The following FGD4 variants were observed in gnomAD, a reference collection of about 807,000 sequenced individuals.
FGD4 encodes the protein FYVE, RhoGEF and PH domain-containing protein 4.
In FGD4, 42 loss-of-function variants were observed where a neutral mutation model predicts 102.0. The ratio of observed to expected loss-of-function variants is 0.41; its 90% confidence interval spans 0.32 to 0.53. The LOEUF (loss-of-function observed/expected upper bound fraction) is 0.53. Among genes scored for constraint, FGD4 ranks in the 20% least tolerant of loss-of-function variants. FGD4 has a pLI of 0.21. For synonymous variants in FGD4, 380 were observed against 375.7 expected, an observed-to-expected ratio of 1.01 and a Z score of -0.13; for missense variants, 902 against 1,078.2, an observed-to-expected ratio of 0.84 and a Z score of 2.29.
intron 1 of FGD4, among the ~76,000 whole-genome samples, chr12:32,459,081 C>G (rs187612389): frequency 3.6e-4 from 55 of 151,496 alleles, no homozygotes; most frequent in Admixed American, 2.9e-3. Context: ...GAGTCAACAA[C>G]TTATTAGAAT....
intron 1 of FGD4, among the ~76,000 whole-genome samples, chr12:32,451,681 T>C (rs1002155562): frequency 6.6e-6 from 1 of 150,452 alleles, no homozygotes; most frequent in African/African-American, 2.4e-5. Context: ...CCGAGGCGGG[T>C]GGATCACCCG....
chr12:32,588,494 G>A (rs1396180509), intron 4 of FGD4, among the ~76,000 whole-genome samples: 1 of 152,226 alleles, frequency 6.6e-6, no homozygotes, highest in Non-Finnish European at 1.5e-5. Flanking sequence ...AGGACGGACT[G>A]AGGGACCACA....
At chr12:32,454,123 T>C (rs1942887368) in intron 1 of FGD4, among the ~76,000 whole-genome samples, 1 of 152,108 alleles carries the variant, frequency 6.6e-6, no homozygotes, top group African/African-American at 2.4e-5. Flanking sequence ...AAATTCCTGA[T>C]AGCATTGAGG....
intron 1 of FGD4, among the ~76,000 whole-genome samples, chr12:32,401,397 T>C (rs563555422): frequency 6.6e-6 from 1 of 151,906 alleles, no homozygotes; most frequent in East Asian, 2.0e-4. Flanking sequence ...GTAGCTGGGA[T>C]TGCAAGCATG....
At chr12:32,419,345 A>G (rs775217338) in intron 1 of FGD4, among the ~76,000 whole-genome samples, 1 of 152,180 alleles carries the variant, frequency 6.6e-6, no homozygotes, top group Non-Finnish European at 1.5e-5. Flanking sequence ...CCTATGGTAT[A>G]CTACCTGGAT....
At chr12:32,418,578 G>C (rs939383591) in intron 1 of FGD4, among the ~76,000 whole-genome samples, 1 of 152,128 alleles carries the variant, frequency 6.6e-6, no homozygotes, top group Non-Finnish European at 1.5e-5. Flanking sequence ...GTCTCTCTCT[G>C]TGCTAAACCA....
chr12:32,529,831 A>C (rs968741871), intron 1 of FGD4, among the ~76,000 whole-genome samples: 11 of 147,384 alleles, frequency 7.5e-5, no homozygotes, highest in Non-Finnish European at 1.2e-4. Flanking sequence ...TGACAGAGTG[A>C]GACTCTGTCT....
chr12:32,469,733 C>G (rs1057419506), intron 1 of FGD4, among the ~76,000 whole-genome samples: 2 of 151,946 alleles, frequency 1.3e-5, no homozygotes, highest in Non-Finnish European at 2.9e-5. Flanking sequence ...AATCTCGACT[C>G]ATCGCAACCT....
chr12:32,401,783 C>T (rs1940674639), intron 1 of FGD4, among the ~76,000 whole-genome samples: 1 of 141,166 alleles, frequency 7.1e-6, no homozygotes, highest in Admixed American at 7.5e-5. Context: ...GGCTGGAGTG[C>T]AGTGGCGCAA....
chr12:32,620,566 G>T (rs1233056868), intron 11 of FGD4, among the ~76,000 whole-genome samples: 1 of 110,946 alleles, frequency 9.0e-6, no homozygotes, highest in African/African-American at 3.5e-5. Context: ...CGCTCTCATT[G>T]GCCAGACTGG....
At chr12:32,508,140 G>T (rs866461472) in intron 1 of FGD4, among the ~76,000 whole-genome samples, 1 of 152,198 alleles carries the variant, frequency 6.6e-6, no homozygotes. Context: ...GGCTGTGCAC[G>T]TGAGGTGCAG....
At chr12:32,415,551 T>C (rs1444996492) in intron 1 of FGD4, among the ~76,000 whole-genome samples, 1 of 151,358 alleles carries the variant, frequency 6.6e-6, no homozygotes, top group East Asian at 2.0e-4. Context: ...GCCTCCTGAG[T>C]AGCTGGGACT....
At position 32,544,251 on chromosome 12, in the gene FGD4, C is replaced by G. The variant is rs1262588037; in HGVS notation, c.167-19886C>G. On this transcript the variant is annotated intron_variant, in intron 1 of 16. Coordinates refer to ENST00000534526, the MANE Select transcript of FGD4 (RefSeq NM_001370298.3). This position sits in a 1 kb window ranked among gnomAD's most constrained non-coding sequence, Gnocchi z 4.1. ...GACCAGCCTGGCCAACATGGTGAAA[C>G]AAAAAATGTCTCTACAAAAAATGCA... Among the ~76,000 whole-genome samples, 1 of 151,514 alleles carries G rather than the reference C, an allele frequency of 6.6e-6. No individual in the cohort carries two copies. Among genetic ancestry groups the G allele is most frequent in the Non-Finnish European group, 1.5e-5 (1 of 67,860 alleles).
chr12:32,413,817 C>CT (rs1565726141), intron 1 of FGD4, among the ~76,000 whole-genome samples: 2 of 151,750 alleles, frequency 1.3e-5, no homozygotes, highest in African/African-American at 2.4e-5. Flanking sequence ...ACAGAATTTG[C>CT]TTTTTTTTGT....
rs1333187507 is a variant in FGD4 at position 32,644,085 on chromosome 12, T to C, written c.*3552T>C. The C allele has an allele frequency of 1.3e-5, 2 of 152,162 alleles. No homozygotes were observed. Among genetic ancestry groups the C allele is most frequent in the Non-Finnish European group, 2.9e-5 (2 of 67,996 alleles). 9.4% of individuals were successfully genotyped at this position (152,162 alleles called of 1,614,324 possible). The stretch of plus-strand genomic sequence containing the variant: ...ATCATATGATATTTGTGTTAGTGGG[T>C]CTAAGATTAAGCACATGATATTTAT... On this transcript the variant is annotated 3_prime_UTR_variant, in exon 17 of 17. Coordinates refer to ENST00000534526, the MANE Select transcript of FGD4 (RefSeq NM_001370298.3).
At chr12:32,409,137 AT>A (rs1389562108) in intron 1 of FGD4, among the ~76,000 whole-genome samples, 1 of 152,200 alleles carries the variant, frequency 6.6e-6, no homozygotes, top group Non-Finnish European at 1.5e-5. Context: ...TTAAAATGGA[AT>A]CTACCTGCTA....
At chr12:32,526,650 T>A (rs983931755) in intron 1 of FGD4, among the ~76,000 whole-genome samples, 2 of 152,214 alleles carry the variant, frequency 1.3e-5, no homozygotes, top group Non-Finnish European at 1.5e-5. Context: ...CCTTCCACAC[T>A]GTGGGAGCTT....
At chr12:32,575,704 A>G (rs1259246540) in intron 2 of FGD4, among the ~76,000 whole-genome samples, 1 of 152,258 alleles carries the variant, frequency 6.6e-6, no homozygotes, top group Non-Finnish European at 1.5e-5. Context: ...ACTATAAAGT[A>G]TAAAATTTCA....
chr12:32,419,069 G>C (rs1010487801), intron 1 of FGD4, among the ~76,000 whole-genome samples: 2 of 152,146 alleles, frequency 1.3e-5, no homozygotes, highest in Non-Finnish European at 2.9e-5. Context: ...CCGTCAGCTT[G>C]TGACCAATGC....
Sources: gnomAD v4.1 joint callset for allele counts (sites outside exome capture counted in the v4.1 genomes callset) on GRCh38, gnomAD v4.1.1 for gene constraint, Gnocchi (gnomAD v3.1) non-coding constraint, MANE v1.5 for transcripts, NCBI Gene and HGNC (gene_info 2026-07-23, HGNC 2026-07-21) for gene names.